Variants in AMZ1 observed in about 807,000 individuals in gnomAD.
AMZ1 encodes the protein archaemetzincin-1.
In AMZ1, 39 loss-of-function variants were observed where a neutral mutation model predicts 29.9. The ratio of observed to expected loss-of-function variants is 1.30; its 90% CI spans 1.01 to 1.70. The LOEUF is 1.70. Among genes scored for constraint, AMZ1 ranks in the 40% most tolerant of loss-of-function variants. The pLI, the probability that AMZ1 is intolerant of heterozygous loss-of-function variation, is 0.00. For synonymous variants in AMZ1, 458 were observed against 304.0 expected, an observed-to-expected ratio of 1.51 and a Z score of -5.27; for missense variants, 1,041 against 680.6, an observed-to-expected ratio of 1.53 and a Z score of -5.89.
intron 4 of AMZ1, among the ~76,000 whole-genome samples, chr7:2,725,344 G>A (rs1187526184): frequency 6.6e-6 from 1 of 152,254 alleles, no homozygotes; most frequent in Non-Finnish European, 1.5e-5. Context: ...GACGGACACA[G>A]CTGCGCGAGG....
At chr7:2,742,492 C>A (rs758958544) in intron 4 of AMZ1, among the ~76,000 whole-genome samples, 1 of 152,210 alleles carries the variant, frequency 6.6e-6, no homozygotes, top group African/African-American at 2.4e-5. Context: ...TTTATCTCAT[C>A]GCTGTCCACA....
chr7:2,738,871 C>G (rs950553483), intron 4 of AMZ1, among the ~76,000 whole-genome samples: 5 of 152,186 alleles, frequency 3.3e-5, no homozygotes, highest in African/African-American at 1.2e-4. Flanking sequence ...TGTGAAAGTA[C>G]AGAGGAGCTG....
chr7:2,692,830 G>A (rs1416137141), intron 1 of AMZ1, among the ~76,000 whole-genome samples: 1 of 152,174 alleles, frequency 6.6e-6, no homozygotes, highest in Non-Finnish European at 1.5e-5. Context: ...CCTGCGCGAT[G>A]TGTCCCCATC....
At chr7:2,752,618 T>G (rs909890926) in intron 4 of AMZ1, among the ~76,000 whole-genome samples, 3 of 152,186 alleles carry the variant, frequency 2.0e-5, no homozygotes, top group Admixed American at 6.5e-5. Flanking sequence ...GATAAGAGAT[T>G]ACTACACAAA....
upstream of AMZ1, among the ~76,000 whole-genome samples, chr7:2,759,700 T>C (rs1791468046): frequency 6.6e-6 from 1 of 152,162 alleles, no homozygotes; most frequent in Non-Finnish European, 1.5e-5. Flanking sequence ...TCTGTAGTCA[T>C]ACAGGATAGG....
chr7:2,690,560 G>A (rs779162623), intron 1 of AMZ1, among the ~76,000 whole-genome samples: 1 of 152,142 alleles, frequency 6.6e-6, no homozygotes, highest in Non-Finnish European at 1.5e-5. Context: ...CTTCCCGGGC[G>A]GCTCAGGTTG....
intron 4 of AMZ1, among the ~76,000 whole-genome samples, chr7:2,740,723 G>C (rs982171406): frequency 6.6e-6 from 1 of 152,180 alleles, no homozygotes; most frequent in Non-Finnish European, 1.5e-5. Flanking sequence ...ATGTTTAATA[G>C]TTCAAATTAT....
At chr7:2,760,437 G>A (rs1248606702), upstream of AMZ1, 1 of 152,460 alleles carries the variant, frequency 6.6e-6, no homozygotes. Context: ...GTCTTTCCCG[G>A]ACGCTGTGGT....
In AMZ1 at chr7:2,700,724, G is replaced by A. The variant is rs1028661759; in HGVS notation, c.273G>A (p.Leu91=). ...CCCTGCAGCACCGGAAGCCCCGCCT[G>A]GCTCGGAAGCACATCTACCTACAGC... ...HASLQHRKPR[L]ARKHIYLQPI... Residue 91 remains leucine, a synonymous_variant, in exon 2 of 7, where the codon CTG becomes CTA. Coordinates refer to ENST00000683327, the MANE Select transcript of AMZ1 (RefSeq NM_001384743.1). 6.2e-6 allele frequency: 10 copies of A among 1,612,946 alleles called. No homozygotes were observed. The highest frequency in any genetic ancestry group is 1.7e-6 in the Non-Finnish European group (2 of 1,180,018).
chr7:2,744,995 G>T (rs537389806), intron 4 of AMZ1, among the ~76,000 whole-genome samples: 1 of 152,242 alleles, frequency 6.6e-6, no homozygotes, highest in African/African-American at 2.4e-5. Flanking sequence ...AACGAACAAG[G>T]CCTCCAAGAA....
intron 2 of AMZ1, among the ~76,000 whole-genome samples, chr7:2,701,558 G>A (rs963422462): frequency 6.6e-6 from 1 of 152,318 alleles, no homozygotes; most frequent in South Asian, 2.1e-4. Context: ...AGAAGGGAAC[G>A]GCCCAGGCAG....
chr7:2,707,386 G>A (rs798569), intron 3 of AMZ1, among the ~76,000 whole-genome samples: 1 of 151,834 alleles, frequency 6.6e-6, no homozygotes, highest in South Asian at 2.1e-4. Context: ...CCTCTGTGCC[G>A]CAACCCCTCT....
chr7:2,681,909 G>C (rs932163605), intron 1 of AMZ1, among the ~76,000 whole-genome samples: 1 of 144,414 alleles, frequency 6.9e-6, no homozygotes, highest in Non-Finnish European at 1.5e-5. Flanking sequence ...ATGGACAGGC[G>C]GCCCCTCCCT....
Position 2,700,279 on chromosome 7 carries a change from C to T in AMZ1, c.-173C>T. 6.9e-6 allele frequency: 5 copies of T among 726,476 alleles called. No homozygotes were observed. Among genetic ancestry groups the T allele is most frequent in the Non-Finnish European group, 1.1e-5 (5 of 452,790 alleles). 45.0% of individuals were successfully genotyped at this position (726,476 alleles called of 1,614,324 possible). ...GCCCATGCCTGAGAGCGTCCAGGAC[C>T]AGGCAGAGCTGGGCCTTAAGGGCCC... On this transcript the variant is annotated 5_prime_UTR_variant, in exon 2 of 7. The change creates a premature stop within an existing upstream ORF in the 5' untranslated region. Coordinates refer to ENST00000683327, the MANE Select transcript of AMZ1 (RefSeq NM_001384743.1).
chr7:2,708,758 G>A (rs1338388116), intron 4 of AMZ1, 42 bp downstream of exon 4: 10 of 1,609,970 alleles, frequency 6.2e-6, no homozygotes, highest in Non-Finnish European at 8.5e-6. Flanking sequence ...GGGTAGCCTG[G>A]CATGGGGCTG....
At chr7:2,755,310 C>T (rs1236018226) in intron 4 of AMZ1, among the ~76,000 whole-genome samples, 1 of 152,222 alleles carries the variant, frequency 6.6e-6, no homozygotes, top group African/African-American at 2.4e-5. Context: ...CTGCGATTTT[C>T]ACAGGAATTG....
Position 2,717,164 on chromosome 7 carries a change from A to G in AMZ1, c.*4286A>G, listed in dbSNP as rs1344979261. 6.6e-6 allele frequency among the ~76,000 whole-genome samples: 1 copy of G among 151,872 alleles called. No homozygotes were observed. Among genetic ancestry groups the G allele is most frequent in the African/African-American group, 2.4e-5 (1 of 41,294 alleles). On this transcript the variant is annotated 3_prime_UTR_variant, in exon 7 of 7. Transcript: ENST00000683327. ...GGAGAGGCCTGGGTGGGTGGCCGGC[A>G]CTCTTAGGTGAGGTGCCAACGAAAA...
chr7:2,759,540 A>G (rs1402976371), intron 4 of AMZ1, among the ~76,000 whole-genome samples: 1 of 152,260 alleles, frequency 6.6e-6, no homozygotes. Flanking sequence ...AGGAATAATT[A>G]GCCAAATACT....
intron 4 of AMZ1, 104 bp from the exon 5 acceptor site, chr7:2,708,971 T>A: frequency 7.1e-7 from 1 of 1,401,248 alleles, no homozygotes. Flanking sequence ...GGTATGTCTT[T>A]GGGCCATGGC....
Sources: allele counts gnomAD v4.1 joint callset (sites outside exome capture counted in the v4.1 genomes callset), GRCh38; gene constraint gnomAD v4.1.1; transcripts MANE v1.5; gene names NCBI Gene and HGNC (gene_info 2026-07-23, HGNC 2026-07-21).